DNAJC7: variants seen among roughly 807,000 people sequenced by gnomAD.
The protein encoded by DNAJC7 is dnaJ homolog subfamily C member 7.
DNAJC7 carries 18 observed loss-of-function variants against 67.4 expected under a neutral mutation model. The ratio of observed to expected loss-of-function variants is 0.27; its 90% CI spans 0.18 to 0.40. DNAJC7 has a LOEUF of 0.40. Ranked by LOEUF, DNAJC7 falls within the 10% of genes least tolerant of loss-of-function variation. The probability of loss-of-function intolerance (pLI) is 1.00; values close to 1 mark genes in which losing one functional copy is unlikely to be tolerated. For synonymous variants in DNAJC7, 220 were observed against 207.8 expected (o/e 1.06, Z -0.50); for missense variants, 419 against 613.8 (o/e 0.68, Z 3.35).
chr17:41,976,457 T>C lies in DNAJC7; in HGVS notation c.*276A>G. 5.7e-6 allele frequency: 2 copies of C among 350,904 alleles called. No homozygotes were observed. The highest frequency in any genetic ancestry group is 9.9e-6 in the Non-Finnish European group (2 of 202,816). 21.7% of individuals were successfully genotyped at this position (350,904 alleles called of 1,614,324 possible). A position where few individuals can be genotyped will look rare whatever the true frequency, so the allele number is the denominator to read the frequency against. Reference sequence around the variant, plus strand: ...GGCCAGGAAGGGTCAAAACATTTTATTCTCTTTTTTTTTTCTTTTTTAATA... The same window carrying C: ...GGCCAGGAAGGGTCAAAACATTTTACTCTCTTTTTTTTTTCTTTTTTAATA... On this transcript the variant is annotated 3_prime_UTR_variant, in exon 14 of 14. Coordinates refer to ENST00000457167, the MANE Select transcript of DNAJC7 (RefSeq NM_003315.4).
intron 1 of DNAJC7, among the ~76,000 whole-genome samples, chr17:42,012,222 C>T (rs1177313271): frequency 1.3e-5 from 2 of 152,230 alleles, no homozygotes; most frequent in African/African-American, 2.4e-5. Flanking sequence ...TAGTGGCCCA[C>T]GCCTGTAATC....
intron 4 of DNAJC7, 22 bp from the exon 5 acceptor site, chr17:41,994,966 A>G: frequency 6.2e-7 from 1 of 1,605,430 alleles, no homozygotes; most frequent in South Asian, 1.1e-5. Context: ...AATCAGACAT[A>G]GGAAAGTTTT....
chr17:42,002,465 C>T (rs1279293492), intron 1 of DNAJC7, among the ~76,000 whole-genome samples: 2 of 152,106 alleles, frequency 1.3e-5, no homozygotes, highest in Non-Finnish European at 2.9e-5. Context: ...CTATGGAGGT[C>T]GGGGAGTTCA....
Position 42,006,380 on chromosome 17 carries a change from A to G in DNAJC7, c.78-5810T>C, listed in dbSNP as rs192562343. On this transcript the variant is annotated intron_variant, in intron 1 of 13. Transcript: ENST00000457167. Reference sequence around the variant, plus strand: ...TATTTATTTATTTAATTTTTGGGAAATTATAGGCTCACGCCTATAATCCCA... The same window carrying G: ...TATTTATTTATTTAATTTTTGGGAAGTTATAGGCTCACGCCTATAATCCCA... 2.8e-3 allele frequency among the ~76,000 whole-genome samples: 425 copies of G among 151,870 alleles called. 2 individuals are homozygous for G. The highest frequency in any genetic ancestry group is 1.0e-2 in the African/African-American group (413 of 41,436).
At chr17:42,004,042 G>C (rs558838615) in intron 1 of DNAJC7, among the ~76,000 whole-genome samples, 1 of 137,774 alleles carries the variant, frequency 7.3e-6, no homozygotes, top group South Asian at 2.3e-4. Flanking sequence ...TGCAGCCTCT[G>C]CCTCCTGGGT....
intron 1 of DNAJC7, among the ~76,000 whole-genome samples, chr17:42,003,950 A>ATTTTTTTT (rs10631965): frequency 8.5e-5 from 8 of 94,320 alleles, no homozygotes; most frequent in South Asian, 7.6e-4. Context: ...AAGATTTTCA[A>ATTTTTTTT]TTTTTTTTTT....
chr17:42,013,375 A>G (rs1246847999), intron 1 of DNAJC7: 2 of 152,352 alleles, frequency 1.3e-5, no homozygotes, highest in Non-Finnish European at 2.9e-5. Flanking sequence ...AAAATGCTGC[A>G]ATCGTGAAGT....
At chr17:41,995,053 C>G in intron 4 of DNAJC7, 109 bp from the exon 5 acceptor site, 1 of 915,972 alleles carries the variant, frequency 1.1e-6, no homozygotes, top group Non-Finnish European at 1.8e-6. Context: ...ATATACCACA[C>G]TGCCTCTTTT....
At chr17:42,017,245 G>T in intron 1 of DNAJC7, 95 bp downstream of exon 1, 1 of 1,601,174 alleles carries the variant, frequency 6.2e-7, no homozygotes, top group South Asian at 1.1e-5. Context: ...GCGGGGCATC[G>T]CCTCAACAGC....
Position 41,987,887 on chromosome 17 carries a change from T to C in DNAJC7, c.942A>G (p.Ile314Met). The change falls in exon 9 of 14, where the codon ATA becomes ATG. Residue 314 changes from isoleucine (I) to methionine (M), a missense_variant. Coordinates refer to ENST00000457167, the MANE Select transcript of DNAJC7 (RefSeq NM_003315.4). The stretch of plus-strand genomic sequence containing the variant: ...GCTTCACTGCATTTGTGCAGTCTTC[T>C]ATTGCATCATCTAGTTTCCTAAGCT... The part of the protein sequence containing the change: ...NSKLRKLDDA[I>M]EDCTNAVKLD... The C allele has an allele frequency of 6.2e-7, 1 of 1,611,770 alleles. No homozygotes were observed. The highest frequency in any genetic ancestry group is 8.5e-7 in the Non-Finnish European group (1 of 1,179,016).
At chr17:42,014,193 A>C (rs1286249625) in intron 1 of DNAJC7, 1 of 144,588 alleles carries the variant, frequency 6.9e-6, no homozygotes, top group Non-Finnish European at 1.5e-5. Flanking sequence ...TTTGAAATGG[A>C]GTCTCACCAT....
intron 5 of DNAJC7, among the ~76,000 whole-genome samples, chr17:41,992,180 TG>T (rs1430843672): frequency 5.8e-4 from 88 of 152,194 alleles, no homozygotes; most frequent in African/African-American, 2.0e-3. Flanking sequence ...TTTTGTTTTT[TG>T]TTTTTTTTGA....
At chr17:41,999,226 G>A (rs549372510) in intron 2 of DNAJC7, among the ~76,000 whole-genome samples, 1 of 151,950 alleles carries the variant, frequency 6.6e-6, no homozygotes, top group East Asian at 1.9e-4. Context: ...GGGATTACAA[G>A]CGCCCACCAC....
At chr17:41,988,536 C>T (rs193213531) in intron 8 of DNAJC7, among the ~76,000 whole-genome samples, 196 bp downstream of exon 8, 1 of 152,354 alleles carries the variant, frequency 6.6e-6, no homozygotes, top group Admixed American at 6.5e-5. Context: ...AATATCCTTG[C>T]AAATTGTCCA....
At position 42,016,865 on chromosome 17, in the gene DNAJC7, G is replaced by C; in HGVS notation, c.77+475C>G. ...AATTATGGAGACACACAATCACTTC[G>C]AACCCAGACTAGTGATCGCTGGGGT... On this transcript the variant is annotated intron_variant, in intron 1 of 13. Coordinates refer to ENST00000457167, the MANE Select transcript of DNAJC7 (RefSeq NM_003315.4). 6.1e-6 allele frequency: 5 copies of C among 825,794 alleles called. No homozygotes were observed. In the South Asian group the frequency reaches 1.2e-4, roughly 20 times the overall value. The allele number at this position is 825,794 out of a possible 1,614,324, so 51.2% of individuals were successfully genotyped here.
Position 41,976,663 on chromosome 17 carries a change from G to A in DNAJC7, c.*70C>T, listed in dbSNP as rs2051089158. The A allele has an allele frequency of 5.1e-6, 8 of 1,580,090 alleles. No individual in the cohort carries two copies. Among genetic ancestry groups the A allele is most frequent in the Non-Finnish European group, 6.0e-6 (7 of 1,161,090 alleles). ...CGGAGACGTGATGAAGGGAGGAGGT[G>A]AACTGTTTCCACATTCAAGATTAAA... On this transcript the variant is annotated 3_prime_UTR_variant, in exon 14 of 14. Transcript: ENST00000457167.
intron 5 of DNAJC7, among the ~76,000 whole-genome samples, chr17:41,992,952 A>G (rs1329327210): frequency 6.6e-6 from 1 of 152,244 alleles, no homozygotes; most frequent in Non-Finnish European, 1.5e-5. Context: ...GAAAACTGAC[A>G]GTAGGCAGAA....
rs1555647557 is a variant in DNAJC7 at position 41,990,292 on chromosome 17, G to C, written c.571C>G (p.Arg191Gly). 6.2e-7 allele frequency: 1 copy of C among 1,611,020 alleles called. No homozygotes were observed. Among genetic ancestry groups the C allele is most frequent in the Non-Finnish European group, 8.5e-7 (1 of 1,178,676 alleles). The change falls in exon 6 of 14, where the codon CGT (arginine) becomes GGT (glycine). Residue 191 changes from arginine to glycine, a missense_variant. This residue lies in a region of DNAJC7 where 179 missense variants were observed against 249.7 expected (regional missense o/e 0.72). Coordinates refer to ENST00000457167, the MANE Select transcript of DNAJC7 (RefSeq NM_003315.4). ...GCCACAGACTGTGCTTCTGGATAAC[G>C]ACCCAGCATTGCTAAACATTCTGCC... ...LKAECLAMLG[R>G]YPEAQSVASD... is the part of the protein sequence containing the mutation.
In DNAJC7 at chr17:41,982,380, T is replaced by C. The variant is rs373239996; in HGVS notation, c.1106A>G (p.Asn369Ser). The part of the protein sequence containing the change: ...KTKEHKQLLK[N>S]AQLELKKSKR... ...ACTCTTCTTCAGTTCCAGCTGCGCA[T>C]TTTTTAGGAGCTGTTTGTGTTCTAC... The change falls in exon 11 of 14, where the codon AAT becomes AGT. Residue 369 changes from asparagine (N) to serine (S), a missense_variant. Physicochemically the swap from Asn to Ser is conservative, Grantham distance 46. Coordinates refer to ENST00000457167, the MANE Select transcript of DNAJC7 (RefSeq NM_003315.4). 2 of 1,613,876 alleles carry C rather than the reference T, an allele frequency of 1.2e-6. No individual in the cohort carries two copies. Among genetic ancestry groups the C allele is most frequent in the Admixed American group, 3.3e-5 (2 of 60,002 alleles).
Sources: gnomAD v4.1 joint callset for allele counts (sites outside exome capture counted in the v4.1 genomes callset) on GRCh38, gnomAD v4.1.1 for gene constraint, gnomAD v4.1.1 regional missense constraint, MANE v1.5 for transcripts, NCBI Gene and HGNC (gene_info 2026-07-23, HGNC 2026-07-21) for gene names.